USP22: variants seen among roughly 807,000 people sequenced by gnomAD.
USP22 encodes the protein ubiquitin carboxyl-terminal hydrolase 22.
A neutral mutation model predicts 68.1 loss-of-function variants in USP22; 22 were observed. The observed-to-expected ratio is 0.32, with a 90% CI of 0.23 to 0.46. The LOEUF (loss-of-function observed/expected upper bound fraction) is 0.46, where lower values mean the gene tolerates loss of function less well. Ranked by LOEUF, USP22 falls within the 20% of genes least tolerant of loss-of-function variation. The pLI is 1.00. For synonymous variants in USP22, 279 were observed against 274.2 expected (o/e 1.02, Z -0.17); for missense variants, 433 against 695.8 (o/e 0.62, Z 4.25).
chr17:21,014,815 AC>A (rs1239548823), intron 6 of USP22, among the ~76,000 whole-genome samples: 1 of 152,212 alleles, frequency 6.6e-6, no homozygotes, highest in Non-Finnish European at 1.5e-5. Context: ...CCCAGAGACC[AC>A]AGGAAACTCA....
chr17:21,039,055 G>A (rs924006623), intron 1 of USP22, among the ~76,000 whole-genome samples: 2 of 151,920 alleles, frequency 1.3e-5, no homozygotes, highest in Admixed American at 6.5e-5. Context: ...TGGTTCAAGC[G>A]ATTCTCCTGC....
intron 10 of USP22, 189 bp from the exon 11 acceptor site, chr17:21,005,179 C>A: frequency 2.9e-6 from 2 of 680,390 alleles, no homozygotes; most frequent in South Asian, 3.8e-5. Flanking sequence ...GAGGCCCCTG[C>A]CTCAGAGCAC....
chr17:21,042,411 A>C, intron 1 of USP22: 5 of 182,426 alleles, frequency 2.7e-5, no homozygotes, highest in Non-Finnish European at 3.7e-5. Context: ...AGGGGGAGGG[A>C]AAGGAAGAAT....
chr17:21,006,471 T>A (rs369231599), intron 10 of USP22: 1 of 152,324 alleles, frequency 6.6e-6, no homozygotes, highest in African/African-American at 2.4e-5. Context: ...ATAAACAGAT[T>A]TGGGGAAGGT....
intron 8 of USP22, among the ~76,000 whole-genome samples, chr17:21,010,106 G>A (rs139700862): frequency 6.6e-6 from 1 of 152,284 alleles, no homozygotes; most frequent in African/African-American, 2.4e-5. Flanking sequence ...CGAGGTTGCA[G>A]TGAGCTATGA....
rs534098900 is a variant in USP22, at chr17:21,018,190, A to G, written c.521-79T>C. Reference sequence around the variant, plus strand: ...TCGCTGGATCCCAGCGGCTTCCTCTACCTCTACATACTCATTTTCTTTTAT... The same window carrying G: ...TCGCTGGATCCCAGCGGCTTCCTCTGCCTCTACATACTCATTTTCTTTTAT... On this transcript the variant is annotated intron_variant, in intron 4 of 12. Coordinates refer to ENST00000261497, the MANE Select transcript of USP22 (RefSeq NM_015276.2). 3.8e-5 allele frequency: 51 copies of G among 1,336,428 alleles called. No homozygotes were observed. The East Asian group carries it at 1.2e-3, about 31-fold the overall frequency. The allele number at this position is 1,336,428 out of a possible 1,614,324, so 82.8% of individuals were successfully genotyped here.
At chr17:21,035,148 C>G (rs184233683) in intron 1 of USP22, among the ~76,000 whole-genome samples, 6 of 152,306 alleles carry the variant, frequency 3.9e-5, no homozygotes, top group African/African-American at 7.2e-5. Context: ...GCTCACCTCA[C>G]ACAACTGTCA....
intron 1 of USP22, among the ~76,000 whole-genome samples, chr17:21,041,783 T>A (rs958624690): frequency 1.3e-5 from 2 of 152,230 alleles, no homozygotes; most frequent in African/African-American, 4.8e-5. Flanking sequence ...CATAGAAGAA[T>A]CACGTTACGT....
intron 5 of USP22, 46 bp from the exon 6 acceptor site, chr17:21,015,945 C>T (rs1320409958): frequency 1.2e-6 from 2 of 1,601,780 alleles, no homozygotes; most frequent in Admixed American, 1.7e-5. Flanking sequence ...TAAATGTAGA[C>T]TCTGAACACA....
intron 1 of USP22, among the ~76,000 whole-genome samples, chr17:21,035,904 G>A (rs1267381342): frequency 2.6e-5 from 4 of 151,672 alleles, no homozygotes; most frequent in South Asian, 2.1e-4. Context: ...GGTGGCAGGC[G>A]CCTGTAGTCC....
chr17:21,009,194 G>A (rs1392430346), intron 8 of USP22, among the ~76,000 whole-genome samples: 4 of 151,740 alleles, frequency 2.6e-5, no homozygotes, highest in Non-Finnish European at 5.9e-5. Context: ...AGCGTGTCTG[G>A]CACAGGTGTC....
chr17:21,016,639 C>A (rs1176555679), intron 5 of USP22, among the ~76,000 whole-genome samples: 2 of 152,166 alleles, frequency 1.3e-5, no homozygotes, highest in African/African-American at 4.8e-5. Context: ...ACGGGTGAAT[C>A]CACCCAGTAT....
upstream of USP22, chr17:21,043,303 C>CCCCCCCCCCG (rs1972474276): frequency 3.7e-5 from 2 of 53,672 alleles, no homozygotes; most frequent in Non-Finnish European, 5.1e-5. Context: ...TAGGCCACCC[C>CCCCCCCCCCG]CCCCCCCCCC....
intron 1 of USP22, among the ~76,000 whole-genome samples, chr17:21,036,519 A>T (rs1203624687): frequency 4.4e-5 from 2 of 45,730 alleles, no homozygotes; most frequent in Non-Finnish European, 9.2e-5. Context: ...ACTGTACTGT[A>T]AGGGGGGGGG....
chr17:21,023,125 C>G (rs7218443), intron 2 of USP22, among the ~76,000 whole-genome samples: 113,422 of 151,964 alleles, frequency 0.75, 42,802 homozygotes, highest in South Asian at 0.82. Flanking sequence ...GGAGCTAAAC[C>G]ATTAGAACAC....
chr17:21,004,140 C>A, intron 12 of USP22, 62 bp downstream of exon 12: 1 of 1,586,606 alleles, frequency 6.3e-7, no homozygotes, highest in East Asian at 2.2e-5. Context: ...CTAGTCTCAG[C>A]TATACCGGAG....
Position 21,007,885 on chromosome 17 carries a change from G to A in USP22, c.1215C>T (p.Ala405=). 1.9e-6 allele frequency: 3 copies of A among 1,614,138 alleles called. No homozygotes were observed. Among genetic ancestry groups the A allele is most frequent in the Non-Finnish European group, 1.7e-6 (2 of 1,180,032 alleles). Residue 405 remains alanine, a synonymous_variant, in exon 9 of 13, where the codon GCC becomes GCT. Coordinates refer to ENST00000261497, the MANE Select transcript of USP22 (RefSeq NM_015276.2). ...QLTMKKLPIV[A]CFHLKRFEHS... Reference sequence around the variant, plus strand: ...GAAAACTTACTTTGAGATGAAAACAGGCTACGATGGGCAGTTTCTTCATAG... The same window carrying A: ...GAAAACTTACTTTGAGATGAAAACAAGCTACGATGGGCAGTTTCTTCATAG...
chr17:21,036,630 G>A (rs781026521), intron 1 of USP22, among the ~76,000 whole-genome samples: 19 of 152,142 alleles, frequency 1.2e-4, no homozygotes, highest in Non-Finnish European at 2.2e-4. Flanking sequence ...GACAGTGGGA[G>A]CCAGCATTTT....
In USP22 at chr17:21,004,785, AG is replaced by A. The variant is rs2143510494; in HGVS notation, c.1385+142del. The A allele has an allele frequency of 3.3e-4, 28 of 84,948 alleles. 11 individuals carry two copies. In the South Asian group the frequency reaches 0.011, roughly 33 times the overall value. The allele number at this position is 84,948 out of a possible 1,614,324, so 5.3% of individuals were successfully genotyped here. ...GGCCTTTCCTAGTGGAGCTGCGGGC[AG>A]CCAATAGTGGAGCTGCGGGCAGCCA... On this transcript the variant is annotated intron_variant, in intron 11 of 12. Transcript: ENST00000261497.
Sources: allele counts gnomAD v4.1 joint callset (sites outside exome capture counted in the v4.1 genomes callset), GRCh38; gene constraint gnomAD v4.1.1; transcripts MANE v1.5; gene names NCBI Gene and HGNC (gene_info 2026-07-23, HGNC 2026-07-21).